NXPH1: variants seen among roughly 807,000 people sequenced by gnomAD.
The protein encoded by NXPH1 is neurexophilin 1.
NXPH1 carries 5 observed loss-of-function variants against 23.7 expected under a neutral mutation model. That is an observed-to-expected ratio of 0.21 (90% CI 0.11 to 0.44). The LOEUF (loss-of-function observed/expected upper bound fraction) is 0.44, where lower values mean the gene tolerates loss of function less well. Ranked by LOEUF, NXPH1 falls within the 20% of genes least tolerant of loss-of-function variation. NXPH1 has a pLI of 0.99. For synonymous variants in NXPH1, 144 were observed against 122.2 expected, an observed-to-expected ratio of 1.18 and a Z score of -1.18; for missense variants, 324 against 321.6, an observed-to-expected ratio of 1.01 and a Z score of -0.06.
chr7:8,589,881 A>G (rs542393939), intron 2 of NXPH1, among the ~76,000 whole-genome samples: 17 of 152,236 alleles, frequency 1.1e-4, no homozygotes, highest in Non-Finnish European at 1.6e-4. Context: ...GCCACTAGCC[A>G]CAGGTGACTC....
chr7:8,659,488 A>C (rs1289296843), intron 2 of NXPH1, among the ~76,000 whole-genome samples: 1 of 152,202 alleles, frequency 6.6e-6, no homozygotes, highest in Admixed American at 6.5e-5. Context: ...AAGGACAGAA[A>C]ACCAAACACT....
intron 2 of NXPH1, among the ~76,000 whole-genome samples, chr7:8,618,504 A>G (rs1281616507): frequency 6.6e-6 from 1 of 152,178 alleles, no homozygotes; most frequent in East Asian, 1.9e-4. Context: ...ACTTTCACAT[A>G]CATTTTTCCT....
chr7:8,576,889 G>A lies in NXPH1; in HGVS notation c.54+141122G>A, dbSNP rs991117394. 7.9e-5 allele frequency among the ~76,000 whole-genome samples: 12 copies of A among 152,064 alleles called. No individual in the cohort carries two copies. In the East Asian group the frequency reaches 2.3e-3, roughly 29 times the overall value. ...TGAACTAGTAATCTTGAATATTAAA[G>A]TAATCAATTCTGGTCTGCAAAATTC... is the stretch of plus-strand genomic sequence containing the variant. On this transcript the variant is annotated intron_variant, in intron 2 of 2. Transcript: ENST00000405863.
intron 2 of NXPH1, among the ~76,000 whole-genome samples, chr7:8,645,846 C>T (rs1391544396): frequency 2.0e-5 from 3 of 152,044 alleles, no homozygotes; most frequent in African/African-American, 7.2e-5. Flanking sequence ...AGCAATTCCA[C>T]TTGTTATATA....
chr7:8,473,622 ATCTC>A (rs1360094976), intron 2 of NXPH1, among the ~76,000 whole-genome samples: 1 of 151,876 alleles, frequency 6.6e-6, no homozygotes, highest in Non-Finnish European at 1.5e-5. Context: ...TTCAGTTTCC[ATCTC>A]TCTATGCTGT....
intron 2 of NXPH1, among the ~76,000 whole-genome samples, chr7:8,703,599 C>T (rs995725505): frequency 6.6e-6 from 1 of 151,896 alleles, no homozygotes; most frequent in African/African-American, 2.4e-5. Context: ...AAATTATTAT[C>T]TATGGTTGAT....
At chr7:8,532,567 G>A (rs1249320070) in intron 2 of NXPH1, among the ~76,000 whole-genome samples, 1 of 151,826 alleles carries the variant, frequency 6.6e-6, no homozygotes, top group Non-Finnish European at 1.5e-5. Context: ...CTGGAAAAAA[G>A]TGACAGAAAG....
intron 2 of NXPH1, among the ~76,000 whole-genome samples, chr7:8,676,879 G>A (rs1239324212): frequency 6.6e-6 from 1 of 152,156 alleles, no homozygotes; most frequent in Non-Finnish European, 1.5e-5. Context: ...GATTAAGGGG[G>A]AAAAGACTTC....
chr7:8,720,059 A>G (rs951665645), intron 2 of NXPH1, among the ~76,000 whole-genome samples: 8 of 152,158 alleles, frequency 5.3e-5, no homozygotes, highest in Non-Finnish European at 1.2e-4. Context: ...TATGAACAGT[A>G]TGATCTGCTT....
chr7:8,627,509 G>T (rs1820018785), intron 2 of NXPH1, among the ~76,000 whole-genome samples: 1 of 152,126 alleles, frequency 6.6e-6, no homozygotes, highest in African/African-American at 2.4e-5. Context: ...TCTTTGAGTA[G>T]TAGGATCGCA....
intron 2 of NXPH1, among the ~76,000 whole-genome samples, chr7:8,679,227 G>A (rs1821013164): frequency 1.3e-5 from 2 of 152,124 alleles, no homozygotes; most frequent in Admixed American, 6.5e-5. Flanking sequence ...GATTACAGGT[G>A]TGAGCCACCG....
chr7:8,719,712 A>G (rs1373303967), intron 2 of NXPH1, among the ~76,000 whole-genome samples: 1 of 152,224 alleles, frequency 6.6e-6, no homozygotes. Flanking sequence ...GGCTCTTACC[A>G]CTATGCCATA....
chr7:8,472,662 G>A (rs963395873), intron 2 of NXPH1, among the ~76,000 whole-genome samples: 13 of 152,164 alleles, frequency 8.5e-5, no homozygotes, highest in African/African-American at 2.4e-4. Flanking sequence ...CCTAATGGCA[G>A]AGAGGAGATG....
intron 2 of NXPH1, among the ~76,000 whole-genome samples, chr7:8,609,841 G>A (rs1819577736): frequency 1.3e-5 from 2 of 152,094 alleles, no homozygotes; most frequent in African/African-American, 2.4e-5. Flanking sequence ...GGAGAATTAT[G>A]TCTTTTATTT....
At chr7:8,573,339 A>G (rs1293475714) in intron 2 of NXPH1, among the ~76,000 whole-genome samples, 1 of 152,090 alleles carries the variant, frequency 6.6e-6, no homozygotes, top group Non-Finnish European at 1.5e-5. Flanking sequence ...TCTATTTCTG[A>G]GTCTTAGAAG....
In NXPH1 at chr7:8,617,750, A is replaced by C. The variant is rs538287320; in HGVS notation, c.55-133258A>C. The stretch of plus-strand genomic sequence containing the variant: ...TTTGATAGAACAACAGGGTGACTAT[A>C]GTCAATAATAACGTAATTGTACGTT... On this transcript the variant is annotated intron_variant, in intron 2 of 2. Transcript: ENST00000405863. Among the ~76,000 whole-genome samples, 48 of 152,292 alleles carry C rather than the reference A, an allele frequency of 3.2e-4. 1 individual carries two copies. The South Asian group carries it at 9.7e-3, about 31-fold the overall frequency.
At chr7:8,699,311 CTTTTA>C (rs1779583725) in intron 2 of NXPH1, among the ~76,000 whole-genome samples, 2 of 152,062 alleles carry the variant, frequency 1.3e-5, no homozygotes, top group African/African-American at 4.8e-5. Context: ...AACATACATA[CTTTTA>C]TTTTAAGATT....
At chr7:8,503,014 T>C (rs1817461397) in intron 2 of NXPH1, among the ~76,000 whole-genome samples, 1 of 151,952 alleles carries the variant, frequency 6.6e-6, no homozygotes, top group South Asian at 2.1e-4. Context: ...TTGAGTGCAG[T>C]GTCTTGGAAC....
intron 2 of NXPH1, among the ~76,000 whole-genome samples, chr7:8,490,968 A>T (rs574690546): frequency 2.0e-4 from 31 of 152,216 alleles, no homozygotes; most frequent in African/African-American, 6.7e-4. Flanking sequence ...GAATGTAAAT[A>T]GGTTGACAGA....
Sources: allele counts gnomAD v4.1 joint callset (sites outside exome capture counted in the v4.1 genomes callset), GRCh38; gene constraint gnomAD v4.1.1; transcripts MANE v1.5; gene names NCBI Gene and HGNC (gene_info 2026-07-23, HGNC 2026-07-21).